LRRC1: variants seen among roughly 807,000 people sequenced by gnomAD.
LRRC1 encodes the protein leucine rich repeat containing 1, also known as leucine-rich repeat-containing protein 1.
In LRRC1, 28 loss-of-function variants were observed where a neutral mutation model predicts 69.9. The ratio of observed to expected loss-of-function variants is 0.40; its 90% CI spans 0.30 to 0.55. The LOEUF (loss-of-function observed/expected upper bound fraction) is 0.55. Ranked by LOEUF, LRRC1 falls within the 20% of genes least tolerant of loss-of-function variation. The probability of loss-of-function intolerance (pLI) is 0.47; values close to 1 mark genes in which losing one functional copy is unlikely to be tolerated. For missense variants in LRRC1, 498 were observed against 609.0 expected (o/e 0.82, Z 1.92); for synonymous variants, 236 against 240.2 (o/e 0.98, Z 0.16).
In LRRC1 at chr6:53,839,967, C is replaced by T. The variant is rs56982508; in HGVS notation, c.160-2143C>T. ...TTTTATTTATTTTTTCAAAACCTCC[C>T]TCTGGGAGCTGTCATATTGCTGCAG... On this transcript the variant is annotated intron_variant, in intron 1 of 13. Coordinates refer to ENST00000370888, the MANE Select transcript of LRRC1 (RefSeq NM_018214.5). Among the ~76,000 whole-genome samples the T allele has an allele frequency of 8.4e-3, 1,272 of 152,230 alleles. 14 individuals are homozygous for T. Among genetic ancestry groups the T allele is most frequent in the African/African-American group, 0.028 (1,162 of 41,538 alleles).
chr6:53,845,936 C>A (rs768531640), intron 2 of LRRC1, among the ~76,000 whole-genome samples: 2 of 152,168 alleles, frequency 1.3e-5, no homozygotes, highest in African/African-American at 4.8e-5. Flanking sequence ...CCTCAGGCAC[C>A]CCTGCACCCT....
At chr6:53,884,691 C>G (rs750454344) in intron 4 of LRRC1, among the ~76,000 whole-genome samples, 1 of 152,072 alleles carries the variant, frequency 6.6e-6, no homozygotes, top group Non-Finnish European at 1.5e-5. Flanking sequence ...ATTCCTACCC[C>G]TCTCCTTTTT....
intron 10 of LRRC1, among the ~76,000 whole-genome samples, chr6:53,909,216 A>G (rs1201576419): frequency 6.6e-6 from 1 of 152,226 alleles, no homozygotes; most frequent in Non-Finnish European, 1.5e-5. Context: ...TAATTATCAC[A>G]ACAGTTCTAT....
intron 2 of LRRC1, among the ~76,000 whole-genome samples, chr6:53,869,677 C>A (rs992255132): frequency 6.6e-6 from 1 of 152,154 alleles, no homozygotes; most frequent in Non-Finnish European, 1.5e-5. Context: ...CTGCAAGTGA[C>A]AAGGTCACCA....
chr6:53,831,538 A>G (rs1332140224), intron 1 of LRRC1, among the ~76,000 whole-genome samples: 1 of 152,186 alleles, frequency 6.6e-6, no homozygotes, highest in African/African-American at 2.4e-5. Context: ...CTTGGCTGCA[A>G]TAAATTGTAT....
chr6:53,875,348 AATG>A (rs1767030337), intron 2 of LRRC1, among the ~76,000 whole-genome samples: 1 of 152,208 alleles, frequency 6.6e-6, no homozygotes, highest in Middle Eastern at 3.2e-3. Flanking sequence ...TTGGAGAAAT[AATG>A]ATAAGAGAAA....
intron 1 of LRRC1, among the ~76,000 whole-genome samples, chr6:53,833,109 CTCA>C (rs568330266): frequency 8.1e-4 from 124 of 152,296 alleles, no homozygotes; most frequent in African/African-American, 2.6e-3. Flanking sequence ...TGGTCCAGCT[CTCA>C]TCAGTTCTCC....
At chr6:53,836,250 C>T (rs4645423) in intron 1 of LRRC1, among the ~76,000 whole-genome samples, 56,394 of 152,032 alleles carry the variant, frequency 0.37, 10,943 homozygotes, top group East Asian at 0.64. Context: ...AGAGCAGCAG[C>T]GGAATTACCT....
intron 3 of LRRC1, among the ~76,000 whole-genome samples, chr6:53,881,569 T>A (rs1767292886): frequency 6.6e-6 from 1 of 152,244 alleles, no homozygotes; most frequent in Non-Finnish European, 1.5e-5. Context: ...TGATTATAAA[T>A]ATTCCAGTTA....
chr6:53,838,399 G>T (rs143748259), intron 1 of LRRC1, among the ~76,000 whole-genome samples: 4 of 152,290 alleles, frequency 2.6e-5, no homozygotes, highest in Middle Eastern at 3.4e-3. Flanking sequence ...TATTGGATGT[G>T]AGGATTTGTA....
chr6:53,847,732 A>G (rs938715968), intron 2 of LRRC1, among the ~76,000 whole-genome samples: 18 of 152,276 alleles, frequency 1.2e-4, no homozygotes, highest in South Asian at 6.2e-4. Context: ...GTCTATAGCT[A>G]TGGATTTGTT....
intron 1 of LRRC1, among the ~76,000 whole-genome samples, chr6:53,828,342 C>A (rs948549617): frequency 6.6e-6 from 1 of 152,194 alleles, no homozygotes; most frequent in Non-Finnish European, 1.5e-5. Context: ...GGGCTAGGAC[C>A]TGGGAGCCCT....
intron 1 of LRRC1, among the ~76,000 whole-genome samples, chr6:53,819,694 T>C (rs1765058733): frequency 6.6e-6 from 1 of 152,180 alleles, no homozygotes; most frequent in Admixed American, 6.5e-5. Context: ...CCCTATTCTA[T>C]ATAAATTCAT....
chr6:53,877,125 G>A (rs55906536), intron 2 of LRRC1, among the ~76,000 whole-genome samples: 13,309 of 152,230 alleles, frequency 0.087, 920 homozygotes, highest in East Asian at 0.24. Context: ...CTGTGTACCC[G>A]CAAGCTCAAC....
At chr6:53,875,009 T>C (rs1365466155) in intron 2 of LRRC1, among the ~76,000 whole-genome samples, 2 of 152,160 alleles carry the variant, frequency 1.3e-5, no homozygotes, top group African/African-American at 4.8e-5. Context: ...AGCAATACAA[T>C]TGGCATTTTT....
intron 11 of LRRC1, among the ~76,000 whole-genome samples, chr6:53,917,972 A>G (rs1382597642): frequency 2.0e-5 from 3 of 152,224 alleles, no homozygotes; most frequent in African/African-American, 7.2e-5. Flanking sequence ...GTATAAGCAC[A>G]AGGTATTTCA....
At chr6:53,864,073 GC>G (rs1766616377) in intron 2 of LRRC1, among the ~76,000 whole-genome samples, 1 of 152,032 alleles carries the variant, frequency 6.6e-6, no homozygotes, top group African/African-American at 2.4e-5. Flanking sequence ...AAACCACTCT[GC>G]CCTTGTCCTC....
At chr6:53,851,106 G>A (rs781628315) in intron 2 of LRRC1, among the ~76,000 whole-genome samples, 2 of 151,018 alleles carry the variant, frequency 1.3e-5, no homozygotes, top group Non-Finnish European at 2.9e-5. Flanking sequence ...GGAATTATGT[G>A]GTTTTATGCC....
intron 1 of LRRC1, among the ~76,000 whole-genome samples, chr6:53,834,540 C>T (rs1413535683): frequency 6.6e-6 from 1 of 152,110 alleles, no homozygotes; most frequent in Non-Finnish European, 1.5e-5. Flanking sequence ...ACTGTGTGAT[C>T]CTCCAGCATG....
Sources: allele counts gnomAD v4.1 joint callset (sites outside exome capture counted in the v4.1 genomes callset), GRCh38; gene constraint gnomAD v4.1.1; transcripts MANE v1.5; gene names NCBI Gene and HGNC (gene_info 2026-07-23, HGNC 2026-07-21).